Variants in DLGAP2 observed in about 807,000 individuals in gnomAD.
DLGAP2 encodes DLG associated protein 2.
Under a neutral mutation model 100.3 loss-of-function variants are expected in DLGAP2, and 26 were observed. The observed-to-expected ratio is 0.26, with a 90% CI of 0.19 to 0.36. DLGAP2 has a LOEUF of 0.36. Among genes scored for constraint, DLGAP2 ranks in the 10% least tolerant of loss-of-function variants. DLGAP2 has a pLI of 1.00. For synonymous variants in DLGAP2, 886 were observed against 630.1 expected (o/e 1.41, Z -6.08); for missense variants, 1,858 against 1,453.2 (o/e 1.28, Z -4.53).
intron 3 of DLGAP2, among the ~76,000 whole-genome samples, chr8:1,479,557 G>A (rs1799032011): frequency 6.6e-6 from 1 of 152,232 alleles, no homozygotes; most frequent in East Asian, 1.9e-4. Flanking sequence ...TTCATAAGCA[G>A]AGGGGAAGGC....
At chr8:924,546 G>A (rs1487778310) in intron 2 of DLGAP2, among the ~76,000 whole-genome samples, 1 of 152,072 alleles carries the variant, frequency 6.6e-6, no homozygotes, top group Admixed American at 6.6e-5. Flanking sequence ...ACTTCGGGAA[G>A]CTGGCACTGC....
intron 3 of DLGAP2, among the ~76,000 whole-genome samples, chr8:1,460,980 T>C (rs1262468701): frequency 1.3e-5 from 2 of 152,226 alleles, no homozygotes; most frequent in African/African-American, 2.4e-5. Context: ...AAGCCTGGCC[T>C]GGGTTTCTGC....
intron 2 of DLGAP2, among the ~76,000 whole-genome samples, chr8:1,039,650 A>G (rs75976177): frequency 1.3e-4 from 4 of 29,784 alleles, no homozygotes; most frequent in Non-Finnish European, 1.9e-4. Context: ...GTGCGTGGTC[A>G]GCTCGGTGTG....
chr8:1,317,227 G>T lies in DLGAP2; in HGVS notation c.106+58344G>T, dbSNP rs966285197. On this transcript the variant is annotated intron_variant, in intron 3 of 14. Coordinates refer to ENST00000637795, the MANE Select transcript of DLGAP2 (RefSeq NM_001346810.2). ...CAGTGGTCTACACTCGAGACACTCG[G>T]CAGCGTTTAAAAATAGAGCGTGTGC... Among the ~76,000 whole-genome samples the T allele has an allele frequency of 5.8e-4, 80 of 138,534 alleles. 2 individuals carry two copies. The highest frequency in any genetic ancestry group is 3.0e-3 in the East Asian group (14 of 4,702). The allele number at this position is 138,534 out of a possible 152,430, so 90.9% of individuals were successfully genotyped here.
intron 1 of DLGAP2, among the ~76,000 whole-genome samples, chr8:899,949 A>G (rs1414782135): frequency 6.6e-6 from 1 of 152,268 alleles, no homozygotes; most frequent in Non-Finnish European, 1.5e-5. Flanking sequence ...CAGCGGGAAC[A>G]GCGAGAATCA....
intron 2 of DLGAP2, among the ~76,000 whole-genome samples, chr8:1,056,434 G>A (rs1321088558): frequency 6.6e-6 from 1 of 152,090 alleles, no homozygotes; most frequent in African/African-American, 2.4e-5. Flanking sequence ...TTATTTACAT[G>A]TCTTAATTTT....
chr8:761,781 G>A (rs188937914), intron 1 of DLGAP2, among the ~76,000 whole-genome samples: 15 of 152,142 alleles, frequency 9.9e-5, no homozygotes, highest in Non-Finnish European at 1.6e-4. Context: ...GCCTGAGGTC[G>A]CGCTGTCCTC....
At chr8:1,458,968 G>A (rs925335442) in intron 3 of DLGAP2, among the ~76,000 whole-genome samples, 20 of 152,162 alleles carry the variant, frequency 1.3e-4, no homozygotes, top group African/African-American at 4.8e-4. Flanking sequence ...ACAACCAGGT[G>A]GTTTACATGC....
At position 1,555,598 on chromosome 8, in the gene DLGAP2, A is replaced by T. The variant is rs1005273056; in HGVS notation, c.1230+5915A>T. Reference sequence around the variant, plus strand: ...AATCAGGGACCGTCTGCAGGAGTGCAGGAGCTGGGCCTGTGCCTTCGAGCC... The same window carrying T: ...AATCAGGGACCGTCTGCAGGAGTGCTGGAGCTGGGCCTGTGCCTTCGAGCC... On this transcript the variant is annotated intron_variant, in intron 5 of 14. Transcript: ENST00000637795. Among the ~76,000 whole-genome samples, 6 of 152,250 alleles carry T rather than the reference A, an allele frequency of 3.9e-5. No homozygotes were observed. The East Asian group carries it at 1.2e-3, about 29-fold the overall frequency.
intron 4 of DLGAP2, among the ~76,000 whole-genome samples, chr8:1,522,278 G>A (rs1800630699): frequency 6.6e-6 from 1 of 152,214 alleles, no homozygotes; most frequent in Non-Finnish European, 1.5e-5. Flanking sequence ...TCTGATGCTT[G>A]TTCTGTTTCT....
chr8:1,579,333 A>G (rs983739791), intron 6 of DLGAP2, among the ~76,000 whole-genome samples: 7 of 152,168 alleles, frequency 4.6e-5, no homozygotes, highest in Admixed American at 1.3e-4. Flanking sequence ...ATATGTGTGT[A>G]TATATATAGA....
At chr8:1,485,214 AATT>A (rs1445661108) in intron 3 of DLGAP2, among the ~76,000 whole-genome samples, 1 of 152,266 alleles carries the variant, frequency 6.6e-6, no homozygotes, top group Non-Finnish European at 1.5e-5. Context: ...CTTGCCAGAT[AATT>A]ATGATACGCT....
At chr8:1,548,364 C>T (rs2404630) in intron 4 of DLGAP2, among the ~76,000 whole-genome samples, 78,131 of 147,050 alleles carry the variant, frequency 0.53, 20,994 homozygotes, top group African/African-American at 0.61. Context: ...GAGGCTGAGG[C>T]AGGAGAATCG....
intron 4 of DLGAP2, among the ~76,000 whole-genome samples, chr8:1,536,594 A>G (rs1016449866): frequency 6.6e-6 from 1 of 152,148 alleles, no homozygotes; most frequent in Non-Finnish European, 1.5e-5. Context: ...TATAAATTCC[A>G]TGGGGCCAGC....
intron 1 of DLGAP2, among the ~76,000 whole-genome samples, chr8:865,181 G>T (rs1054069827): frequency 6.6e-6 from 1 of 152,186 alleles, no homozygotes; most frequent in South Asian, 2.1e-4. Flanking sequence ...GGGTGCCCTC[G>T]CTGGACACGC....
At chr8:1,682,205 G>A (rs958222964) in intron 12 of DLGAP2, among the ~76,000 whole-genome samples, 1 of 152,120 alleles carries the variant, frequency 6.6e-6, no homozygotes, top group African/African-American at 2.4e-5. Context: ...CCTCAGCTGC[G>A]AAGACAGAGG....
intron 1 of DLGAP2, among the ~76,000 whole-genome samples, chr8:837,483 T>G (rs1416195098): frequency 6.6e-6 from 1 of 152,154 alleles, no homozygotes; most frequent in Non-Finnish European, 1.5e-5. Flanking sequence ...AATCCTTCTT[T>G]TCAACATTTT....
intron 3 of DLGAP2, among the ~76,000 whole-genome samples, chr8:1,358,380 G>C (rs1399875764): frequency 6.6e-6 from 1 of 152,126 alleles, no homozygotes; most frequent in Non-Finnish European, 1.5e-5. Context: ...AAGAGATCTG[G>C]TGTGGGACCC....
At chr8:1,318,148 A>G (rs529578051) in intron 3 of DLGAP2, among the ~76,000 whole-genome samples, 17 of 150,030 alleles carry the variant, frequency 1.1e-4, no homozygotes, top group Non-Finnish European at 1.8e-4. Context: ...CAGCGTTTAA[A>G]AATAGAGCGT....
Sources: gnomAD v4.1 joint callset for allele counts (sites outside exome capture counted in the v4.1 genomes callset) on GRCh38, gnomAD v4.1.1 for gene constraint, MANE v1.5 for transcripts, NCBI Gene and HGNC (gene_info 2026-07-23, HGNC 2026-07-21) for gene names.